Variants in RAB3C observed in about 807,000 individuals in gnomAD.
The protein encoded by RAB3C is ras-related protein Rab-3C.
Under a neutral mutation model 26.4 loss-of-function variants are expected in RAB3C, and 17 were observed. That is an observed-to-expected ratio of 0.64 (90% confidence interval 0.44 to 0.97). The LOEUF (loss-of-function observed/expected upper bound fraction) is 0.97, where lower values mean the gene tolerates loss of function less well. Ranked by LOEUF, RAB3C falls within the 50% of genes least tolerant of loss-of-function variation. The probability of loss-of-function intolerance (pLI) is 0.00; values close to 1 mark genes in which losing one functional copy is unlikely to be tolerated. For synonymous variants in RAB3C, 91 were observed against 95.9 expected (o/e 0.95, Z 0.30); for missense variants, 242 against 281.9 (o/e 0.86, Z 1.01).
At chr5:58,648,029 A>G (rs1747564287) in intron 2 of RAB3C, among the ~76,000 whole-genome samples, 1 of 152,204 alleles carries the variant, frequency 6.6e-6, no homozygotes, top group South Asian at 2.1e-4. Flanking sequence ...GTTTTTATCT[A>G]AGTTTTGAAA....
At chr5:58,823,347 C>G (rs551344831) in intron 3 of RAB3C, 1 of 170,670 alleles carries the variant, frequency 5.9e-6, no homozygotes, top group East Asian at 1.7e-4. Context: ...TGGCAAAACC[C>G]TGTTTCTGCA....
intron 2 of RAB3C, among the ~76,000 whole-genome samples, chr5:58,635,791 C>T (rs1207238975): frequency 6.6e-6 from 1 of 152,100 alleles, no homozygotes; most frequent in African/African-American, 2.4e-5. Flanking sequence ...AGTCCATGAT[C>T]ATGATATAGC....
intron 3 of RAB3C, among the ~76,000 whole-genome samples, chr5:58,741,297 G>A (rs568511193): frequency 6.6e-6 from 1 of 152,146 alleles, no homozygotes; most frequent in Non-Finnish European, 1.5e-5. Context: ...CATTACATAG[G>A]CATGACTGAT....
rs1413554043 is a variant in RAB3C, at chr5:58,797,366, A to AT, written c.372-27671dup. The stretch of plus-strand genomic sequence containing the variant: ...AAAAAAAAAAAAAATATGTATATAT[A>AT]TAATATATATATATATATATATATA... On this transcript the variant is annotated intron_variant, in intron 3 of 4. Coordinates refer to ENST00000282878, the MANE Select transcript of RAB3C (RefSeq NM_138453.4). Among the ~76,000 whole-genome samples the AT allele has an allele frequency of 3.0e-3, 64 of 21,270 alleles. 5 individuals are homozygous for AT. Among genetic ancestry groups the AT allele is most frequent in the African/African-American group, 0.022 (63 of 2,902 alleles). 14.0% of individuals were successfully genotyped at this position (21,270 alleles called of 152,430 possible).
At chr5:58,688,386 A>G (rs1204714648) in intron 2 of RAB3C, among the ~76,000 whole-genome samples, 1 of 152,172 alleles carries the variant, frequency 6.6e-6, no homozygotes, top group African/African-American at 2.4e-5. Context: ...GAATAGGTCA[A>G]AGACAACTCT....
At chr5:58,706,550 C>T (rs1028157587) in intron 2 of RAB3C, among the ~76,000 whole-genome samples, 5 of 152,232 alleles carry the variant, frequency 3.3e-5, no homozygotes, top group African/African-American at 4.8e-5. Context: ...CTCTAACATT[C>T]GAGCTTCTTA....
intron 1 of RAB3C, among the ~76,000 whole-genome samples, chr5:58,606,917 A>T (rs1746586276): frequency 6.6e-6 from 1 of 152,184 alleles, no homozygotes; most frequent in Admixed American, 6.5e-5. Context: ...TAGGTCACAA[A>T]CATCAGAGAC....
chr5:58,807,351 T>C (rs950490619), intron 3 of RAB3C, among the ~76,000 whole-genome samples: 1 of 152,212 alleles, frequency 6.6e-6, no homozygotes, highest in Non-Finnish European at 1.5e-5. Flanking sequence ...GAAAGATTAA[T>C]TTCAGCTAAA....
intron 2 of RAB3C, among the ~76,000 whole-genome samples, chr5:58,677,610 T>TA (rs1424715154): frequency 6.7e-6 from 1 of 148,818 alleles, no homozygotes; most frequent in Non-Finnish European, 1.5e-5. Context: ...TAAATAAATA[T>TA]AAAAATATTG....
intron 3 of RAB3C, among the ~76,000 whole-genome samples, chr5:58,761,949 T>C (rs1419722581): frequency 4.0e-5 from 6 of 151,806 alleles, no homozygotes; most frequent in Non-Finnish European, 5.9e-5. Context: ...TTTAGTAAAA[T>C]AATATTAAAT....
intron 3 of RAB3C, among the ~76,000 whole-genome samples, chr5:58,824,602 G>T (rs930968557): frequency 6.6e-6 from 1 of 152,112 alleles, no homozygotes; most frequent in Non-Finnish European, 1.5e-5. Context: ...TTGTTTTCGT[G>T]TGATGTGCTG....
intron 3 of RAB3C, among the ~76,000 whole-genome samples, chr5:58,795,642 AAAG>A (rs764975245): frequency 6.6e-6 from 1 of 152,308 alleles, no homozygotes; most frequent in African/African-American, 2.4e-5. Flanking sequence ...GCTCAGGAGA[AAAG>A]AAGACAGGTA....
chr5:58,662,843 A>G (rs1324543705), intron 2 of RAB3C, among the ~76,000 whole-genome samples: 1 of 150,338 alleles, frequency 6.7e-6, no homozygotes, highest in Non-Finnish European at 1.5e-5. Context: ...GATGATGGAT[A>G]TGCTCTATTT....
chr5:58,802,599 G>A (rs1240008616), intron 3 of RAB3C, among the ~76,000 whole-genome samples: 1 of 152,180 alleles, frequency 6.6e-6, no homozygotes, highest in Non-Finnish European at 1.5e-5. Context: ...ACTAAGAGAT[G>A]GGTCTAAAAA....
In RAB3C at chr5:58,852,315, G is replaced by A. The variant is rs1264592808; in HGVS notation, c.*964G>A. The A allele has an allele frequency of 6.6e-6, 1 of 152,146 alleles. No individual in the cohort carries two copies. Among genetic ancestry groups the A allele is most frequent in the Non-Finnish European group, 1.5e-5 (1 of 68,042 alleles). 9.4% of individuals were successfully genotyped at this position (152,146 alleles called of 1,614,324 possible). On this transcript the variant is annotated 3_prime_UTR_variant, in exon 5 of 5. Coordinates refer to ENST00000282878, the MANE Select transcript of RAB3C (RefSeq NM_138453.4). ...CACCAACTCTTGGACTAGAGCTTAT[G>A]TTGAAGCTTGTTAGGGCTCCTCTTT...
chr5:58,697,378 G>T (rs1003217486), intron 2 of RAB3C, among the ~76,000 whole-genome samples: 1 of 152,158 alleles, frequency 6.6e-6, no homozygotes, highest in Non-Finnish European at 1.5e-5. Flanking sequence ...GTGATGTGGT[G>T]CTGAGAAGAA....
chr5:58,615,683 C>T (rs1379445176), intron 1 of RAB3C, among the ~76,000 whole-genome samples: 1 of 152,062 alleles, frequency 6.6e-6, no homozygotes, highest in Non-Finnish European at 1.5e-5. Flanking sequence ...CGACCTCTGC[C>T]CACTGGGAAG....
At chr5:58,783,368 A>G (rs148205596) in intron 3 of RAB3C, among the ~76,000 whole-genome samples, 221 of 152,334 alleles carry the variant, frequency 1.5e-3, no homozygotes, top group African/African-American at 5.2e-3. Flanking sequence ...AAAATAATGA[A>G]TATCTGAAGT....
chr5:58,624,887 A>G (rs181830276), intron 2 of RAB3C, among the ~76,000 whole-genome samples: 221 of 152,228 alleles, frequency 1.5e-3, no homozygotes, highest in African/African-American at 5.0e-3. Context: ...AAAAAAAACA[A>G]ACAAAAAAAA....
Sources: allele counts gnomAD v4.1 joint callset (sites outside exome capture counted in the v4.1 genomes callset), GRCh38; gene constraint gnomAD v4.1.1; transcripts MANE v1.5; gene names NCBI Gene and HGNC (gene_info 2026-07-23, HGNC 2026-07-21).